The following DRC5 variants were observed in gnomAD, a reference collection of about 807,000 sequenced individuals.
The protein encoded by DRC5 is dynein regulatory complex subunit 5.
the DRC5 span, chr6:44,286,505 G>A: frequency 1.4e-5 from 22 of 1,613,448 alleles, no homozygotes; most frequent in African/African-American, 1.7e-4. Flanking sequence ...CTGGTGTTCC[G>A]GGAGCATCTG....
chr6:44,283,426 C>T, the DRC5 span, among the ~76,000 whole-genome samples: 13 of 152,302 alleles, frequency 8.5e-5, no homozygotes, highest in Non-Finnish European at 1.9e-4. Context: ...GGGGATGGGG[C>T]TGGCAGTATG....
chr6:44,292,350 C>T, the DRC5 span, among the ~76,000 whole-genome samples: 5 of 152,182 alleles, frequency 3.3e-5, no homozygotes, highest in African/African-American at 1.2e-4. Context: ...AGCACCACTT[C>T]CTCTCTGAAG....
chr6:44,282,211 C>A, the DRC5 span: 1 of 1,614,178 alleles, frequency 6.2e-7, no homozygotes, highest in Non-Finnish European at 8.5e-7. Context: ...AGCTCATTGC[C>A]ACCGAGGTGC....
At chr6:44,286,007 C>G in the DRC5 span, 2 of 1,613,970 alleles carry the variant, frequency 1.2e-6, no homozygotes, top group Non-Finnish European at 1.7e-6. Context: ...CAAGGAGAGG[C>G]AGTCACGGTA....
the DRC5 span, among the ~76,000 whole-genome samples, chr6:44,294,893 C>G: frequency 3.9e-5 from 6 of 151,994 alleles, no homozygotes; most frequent in African/African-American, 1.5e-4. Flanking sequence ...AGAGCTCTGC[C>G]TGTTTCACAG....
the DRC5 span, among the ~76,000 whole-genome samples, chr6:44,281,267 G>A: frequency 2.0e-3 from 297 of 152,298 alleles, no homozygotes; most frequent in African/African-American, 6.5e-3. Flanking sequence ...GTGTTGCAAA[G>A]TCAATTTAAT....
chr6:44,287,308 G>C, the DRC5 span: 1 of 889,558 alleles, frequency 1.1e-6, no homozygotes, highest in Non-Finnish European at 1.3e-6. Context: ...GCAAGGAGAG[G>C]GCAGAGGCAT....
the DRC5 span, among the ~76,000 whole-genome samples, chr6:44,295,089 C>G: frequency 6.6e-6 from 1 of 152,188 alleles, no homozygotes; most frequent in Non-Finnish European, 1.5e-5. Flanking sequence ...ACCTTCCTCT[C>G]CGGAGCTTTC....
At chr6:44,295,953 A>G in the DRC5 span, among the ~76,000 whole-genome samples, 1 of 152,344 alleles carries the variant, frequency 6.6e-6, no homozygotes, top group Admixed American at 6.5e-5. Context: ...CCAGCACTCA[A>G]GATGTGTGTT....
At chr6:44,285,846 T>C in the DRC5 span, 1 of 1,008,202 alleles carries the variant, frequency 9.9e-7, no homozygotes, top group Non-Finnish European at 1.4e-6. Flanking sequence ...TAAAAAACAC[T>C]TGGCCAATGA....
chr6:44,288,231 A>C, the DRC5 span, among the ~76,000 whole-genome samples: 1 of 152,214 alleles, frequency 6.6e-6, no homozygotes, highest in Non-Finnish European at 1.5e-5. Context: ...GCTCTACAGC[A>C]ATTACAGTAA....
the DRC5 span, among the ~76,000 whole-genome samples, chr6:44,290,695 AC>A: frequency 6.6e-6 from 1 of 152,162 alleles, no homozygotes. Flanking sequence ...GTCCCTGGAC[AC>A]CCATGGGCCA....
At chr6:44,279,777 G>GTGTGTT in the DRC5 span, 1 of 190,360 alleles carries the variant, frequency 5.3e-6, no homozygotes, top group African/African-American at 2.3e-5. Context: ...GTGTGTGTGT[G>GTGTGTT]TGTGTGTGTG....
the DRC5 span, chr6:44,286,096 G>T: frequency 1.2e-6 from 2 of 1,614,132 alleles, no homozygotes; most frequent in Non-Finnish European, 1.7e-6. Context: ...CCTCCAGGTG[G>T]CTCAGGCCAG....
At chr6:44,296,416 C>T in the DRC5 span, among the ~76,000 whole-genome samples, 1 of 152,238 alleles carries the variant, frequency 6.6e-6, no homozygotes, top group Non-Finnish European at 1.5e-5. Context: ...AGGAGCCCAA[C>T]AGAGTGCTGC....
the DRC5 span, among the ~76,000 whole-genome samples, chr6:44,289,552 T>C: frequency 6.6e-6 from 1 of 152,066 alleles, no homozygotes; most frequent in Non-Finnish European, 1.5e-5. Context: ...ACAAGACCCA[T>C]GCCCTGCCCA....
chr6:44,282,286 T>C, the DRC5 span: 1 of 1,614,226 alleles, frequency 6.2e-7, no homozygotes, highest in Non-Finnish European at 8.5e-7. Context: ...TCATCCTCGA[T>C]GCAGTTGAGA....
chr6:44,296,340 G>T, the DRC5 span, among the ~76,000 whole-genome samples: 1 of 152,192 alleles, frequency 6.6e-6, no homozygotes, highest in Non-Finnish European at 1.5e-5. Context: ...CCCTCTTCCA[G>T]TTCACTGCTG....
the DRC5 span, among the ~76,000 whole-genome samples, chr6:44,295,190 G>A: frequency 4.6e-5 from 7 of 152,312 alleles, no homozygotes; most frequent in African/African-American, 1.4e-4. Flanking sequence ...CATGGGCAGG[G>A]CAGGAATCCT....
Sources: gnomAD v4.1 joint callset for allele counts (sites outside exome capture counted in the v4.1 genomes callset) on GRCh38, gnomAD v4.1.1 for gene constraint, MANE v1.5 for transcripts, NCBI Gene and HGNC (gene_info 2026-07-23, HGNC 2026-07-21) for gene names.